The following NEB variants were observed in gnomAD, a reference collection of about 807,000 sequenced individuals.
NEB encodes nebulin.
NEB carries 512 observed loss-of-function variants against 952.2 expected under a neutral mutation model. That is an observed-to-expected ratio of 0.54 (90% confidence interval 0.50 to 0.58). The LOEUF (loss-of-function observed/expected upper bound fraction) is 0.58. NEB is among the 20% of genes least tolerant of loss of function. NEB has a pLI of 0.00. For missense variants in NEB, 8,428 were observed against 9,231.1 expected (o/e 0.91, Z 3.56); for synonymous variants, 2,900 against 3,149.8 (o/e 0.92, Z 2.66).
intron 165 of NEB, among the ~76,000 whole-genome samples, chr2:151,503,846 A>G (rs560424395): frequency 1.5e-4 from 23 of 152,282 alleles, no homozygotes; most frequent in African/African-American, 5.3e-4. Context: ...CTATTCCTTC[A>G]GGCTTATTGA....
chr2:151,690,482 T>C lies in NEB; in HGVS notation c.2310+245A>G. 3 of 396,466 alleles carry C rather than the reference T, an allele frequency of 7.6e-6. No individual in the cohort carries two copies. The South Asian group carries it at 7.9e-5, about 10-fold the overall frequency. The allele number at this position is 396,466 out of a possible 1,614,324, so 24.6% of individuals were successfully genotyped here. ...CATGTGACAGATCCTAATGAATAAG[T>C]AAGATAGTCCTACTAAAAATCAGTG... On this transcript the variant is annotated intron_variant, in intron 24 of 181. Coordinates refer to ENST00000397345, the MANE Select transcript of NEB (RefSeq NM_001164508.2).
chr2:151,506,511 A>G (rs1047518400), intron 163 of NEB: 1 of 450,452 alleles, frequency 2.2e-6, no homozygotes, highest in Non-Finnish European at 3.9e-6. Context: ...GGATGAGAAG[A>G]GCCAGGAAAT....
chr2:151,494,959 T>G (rs1401206436), intron 173 of NEB: 1 of 152,758 alleles, frequency 6.5e-6, no homozygotes, highest in Non-Finnish European at 1.5e-5. Context: ...ACAGCAGCTG[T>G]TTTTTTACTG....
At chr2:151,557,377 T>C (rs2095723974) in intron 124 of NEB, among the ~76,000 whole-genome samples, 1 of 152,168 alleles carries the variant, frequency 6.6e-6, no homozygotes, top group Non-Finnish European at 1.5e-5. Context: ...CAGTAATTAA[T>C]AGCCTCCCAG....
At position 151,727,679 on chromosome 2, in the gene NEB, T is replaced by C. The variant is rs762719110; in HGVS notation, c.294+12A>G. On this transcript the variant is annotated intron_variant, in intron 5 of 181. Coordinates refer to ENST00000397345, the MANE Select transcript of NEB (RefSeq NM_001164508.2). ...AATCAAGCCAGGTTAGCAGAAGTTG[T>C]TTGAAACTTACTGGGCTAAAAAGAT... The C allele has an allele frequency of 2.5e-6, 4 of 1,606,956 alleles. No homozygotes were observed. The South Asian group carries it at 4.4e-5, about 18-fold the overall frequency.
intron 65 of NEB, among the ~76,000 whole-genome samples, chr2:151,632,744 CA>C (rs1402857565): frequency 6.6e-6 from 1 of 150,724 alleles, no homozygotes; most frequent in African/African-American, 2.4e-5. Flanking sequence ...TTTTAACTTT[CA>C]AATACTTCCC....
intron 161 of NEB, among the ~76,000 whole-genome samples, chr2:151,510,604 T>C (rs2073409214): frequency 6.6e-6 from 1 of 152,204 alleles, no homozygotes; most frequent in African/African-American, 2.4e-5. Flanking sequence ...GAGACCACAT[T>C]CATGTAACTA....
intron 180 of NEB, 91 bp from the exon 181 acceptor site, chr2:151,490,168 C>A: frequency 8.2e-7 from 1 of 1,215,332 alleles, no homozygotes; most frequent in Non-Finnish European, 1.2e-6. Flanking sequence ...TCTTTTTCCC[C>A]CAACTTAGAA....
In NEB at chr2:151,508,262, G is replaced by GAAGA. The variant is rs2070938021; in HGVS notation, c.23347-157_23347-154dup. Among the ~76,000 whole-genome samples the GAAGA allele has an allele frequency of 2.6e-5, 4 of 152,322 alleles. No individual in the cohort carries two copies. In the South Asian group the frequency reaches 8.3e-4, roughly 32 times the overall value. The stretch of plus-strand genomic sequence containing the variant: ...TCCAAGGATGTTAGGGCATCGCAAG[G>GAAGA]AAGAACCCTCTCAGTCAAAGAAAGA... On this transcript the variant is annotated intron_variant, in intron 161 of 181. Transcript: ENST00000397345.
At position 151,568,692 on chromosome 2, in the gene NEB, T is replaced by C. The variant is rs1180592851; in HGVS notation, c.17560A>G (p.Thr5854Ala). The C allele has an allele frequency of 1.2e-6, 2 of 1,602,774 alleles. No individual in the cohort carries two copies. The highest frequency in any genetic ancestry group is 2.3e-5 in the South Asian group (2 of 88,574). The change falls in exon 111 of 182, where the codon ACT becomes GCT. Residue 5854 changes from threonine (T) to alanine (A), a missense_variant. This residue lies in a region of NEB where 3,374 missense variants were observed against 3,651.5 expected (regional missense o/e 0.92). Transcript: ENST00000397345. The stretch of plus-strand genomic sequence containing the variant: ...TCATCCACAGGCGTAAAGTTGAGAG[T>C]TTCTATTTTTGTGCGATATTTTTTC... ...SEKKYRTKIETLNFTPVDDRV... is the reference protein window; with the variant it reads ...SEKKYRTKIEALNFTPVDDRV...
Position 151,535,769 on chromosome 2 carries a change from C to G in NEB, c.21234G>C (p.Arg7078Ser). Residue 7078 changes from arginine (R) to serine (S), a missense_variant, in exon 142 of 182, where the codon AGG (arginine) becomes AGC (serine). By Grantham distance (110) the Arg-to-Ser change is moderately radical (BLOSUM62 -1). Around this residue, in one of 11 missense-constraint regions of NEB, gnomAD observed 3,374 missense variants for 3,651.5 expected, o/e 0.92. Coordinates refer to ENST00000397345, the MANE Select transcript of NEB (RefSeq NM_001164508.2). The stretch of plus-strand genomic sequence containing the variant: ...CAACATACTTGAAATCTGACTTTGT[C>G]CTTTCAAATACTTCTTTATACTTAT... The part of the protein sequence containing the change: ...SKYKYKEVFE[R>S]TKSDFKYVAD... 1.2e-6 allele frequency: 2 copies of G among 1,602,816 alleles called. No individual in the cohort carries two copies. The highest frequency in any genetic ancestry group is 1.7e-6 in the Non-Finnish European group (2 of 1,173,560).
intron 60 of NEB, 69 bp from the exon 61 acceptor site, chr2:151,640,735 TTGCTC>T: frequency 6.8e-7 from 1 of 1,477,638 alleles, no homozygotes; most frequent in Non-Finnish European, 9.1e-7. Context: ...TAAGCCTAAC[TTGCTC>T]TATTTATTAA....
chr2:151,565,676 A>C, intron 115 of NEB, 40 bp downstream of exon 115: 1 of 1,580,528 alleles, frequency 6.3e-7, no homozygotes, highest in Non-Finnish European at 8.7e-7. Flanking sequence ...GGCAGGTAGG[A>C]GGACAGGCAT....
chr2:151,704,755 T>C (rs1358356464), intron 13 of NEB, among the ~76,000 whole-genome samples: 1 of 152,154 alleles, frequency 6.6e-6, no homozygotes. Context: ...CTGCGCCCAC[T>C]GTCTGGCACT....
At chr2:151,567,751 C>T (rs2096467750) in intron 113 of NEB, among the ~76,000 whole-genome samples, 1 of 151,860 alleles carries the variant, frequency 6.6e-6, no homozygotes, top group Non-Finnish European at 1.5e-5. Flanking sequence ...TATACTTGTT[C>T]TCTGATTCTG....
At chr2:151,645,655 T>G (rs1212587938) in intron 55 of NEB, among the ~76,000 whole-genome samples, 1 of 152,226 alleles carries the variant, frequency 6.6e-6, no homozygotes, top group South Asian at 2.1e-4. Flanking sequence ...GAATTTGTTT[T>G]TAAAATATTT....
chr2:151,698,196 CA>C (rs1430027253), intron 13 of NEB, among the ~76,000 whole-genome samples: 2 of 152,084 alleles, frequency 1.3e-5, no homozygotes, highest in South Asian at 2.1e-4. Flanking sequence ...ATTCCAAACT[CA>C]AAAAAATTTT....
At position 151,568,347 on chromosome 2, in the gene NEB, G is replaced by C. The variant is rs778652035; in HGVS notation, c.17705C>G (p.Thr5902Ser). 6.2e-7 allele frequency: 1 copy of C among 1,613,696 alleles called. No homozygotes were observed. The highest frequency in any genetic ancestry group is 8.5e-7 in the Non-Finnish European group (1 of 1,179,810). ...CAGTATCCTAGCAGCCTCCTGGGCAGTGTGCAGCAGGGGGGTTTCTGTGAG... is the reference window on the plus strand; with the variant it reads ...CAGTATCCTAGCAGCCTCCTGGGCACTGTGCAGCAGGGGGGTTTCTGTGAG... ...YTLTETPLLH[T>S]AQEAARILDQ... Residue 5902 changes from threonine to serine, a missense_variant, in exon 112 of 182, where the codon ACT becomes AGT. Coordinates refer to ENST00000397345, the MANE Select transcript of NEB (RefSeq NM_001164508.2).
chr2:151,733,343 A>G (rs368583298), intron 2 of NEB, among the ~76,000 whole-genome samples, 158 bp from the exon 3 acceptor site: 102 of 152,342 alleles, frequency 6.7e-4, no homozygotes, highest in African/African-American at 2.3e-3. Context: ...ATACAAGTAT[A>G]AACAGCAGAA....
Sources: allele counts gnomAD v4.1 joint callset (sites outside exome capture counted in the v4.1 genomes callset), GRCh38; gene constraint gnomAD v4.1.1; regional missense constraint gnomAD v4.1.1; transcripts MANE v1.5; gene names NCBI Gene and HGNC (gene_info 2026-07-23, HGNC 2026-07-21).